Variants in KHDRBS1 observed in about 807,000 individuals in gnomAD.
The protein encoded by KHDRBS1 is KH RNA binding domain containing, signal transduction associated 1, also known as KH domain-containing, RNA-binding, signal transduction-associated protein 1.
Under a neutral mutation model 48.4 loss-of-function variants are expected in KHDRBS1, and 7 were observed. The observed-to-expected ratio is 0.14, with a 90% CI of 0.08 to 0.27. The LOEUF is 0.27. Ranked by LOEUF, KHDRBS1 falls within the 10% of genes least tolerant of loss-of-function variation. The pLI is 1.00. For synonymous variants in KHDRBS1, 241 were observed against 235.8 expected (o/e 1.02, Z -0.20); for missense variants, 458 against 601.2 (o/e 0.76, Z 2.49).
At chr1:32,041,303 T>C (rs1639279265) in intron 8 of KHDRBS1, among the ~76,000 whole-genome samples, 1 of 152,226 alleles carries the variant, frequency 6.6e-6, no homozygotes, top group African/African-American at 2.4e-5. Flanking sequence ...TGTGTGACTT[T>C]AGATCTGTAT....
chr1:32,034,437 G>A (rs1221973077), intron 4 of KHDRBS1, among the ~76,000 whole-genome samples: 1 of 152,160 alleles, frequency 6.6e-6, no homozygotes, highest in Admixed American at 6.5e-5. Flanking sequence ...GCACATGCCT[G>A]TAATCCCAGC....
In KHDRBS1 at chr1:32,014,130, G is replaced by T; in HGVS notation, c.135G>T (p.Arg45=). The T allele has an allele frequency of 1.5e-6, 2 of 1,338,272 alleles. No individual in the cohort carries two copies. The highest frequency in any genetic ancestry group is 1.9e-6 in the Non-Finnish European group (2 of 1,046,852). 82.9% of individuals were successfully genotyped at this position (1,338,272 alleles called of 1,614,324 possible). A position where few individuals can be genotyped will look rare whatever the true frequency, so the allele number is the denominator to read the frequency against. The change falls in exon 1 of 9, where the codon CGG becomes CGT. Residue 45 remains arginine, a synonymous_variant. Coordinates refer to ENST00000327300, the MANE Select transcript of KHDRBS1 (RefSeq NM_006559.3). ...SRQPPLPHRS[R]GGGGGSRGGA... ...AGCCGCCGCTGCCTCACCGGTCCCG[G>T]GGAGGCGGAGGGGGATCCCGCGGGG...
At chr1:32,046,206 T>G (rs1179336339), downstream of KHDRBS1, among the ~76,000 whole-genome samples, 4 of 151,772 alleles carry the variant, frequency 2.6e-5, no homozygotes, top group African/African-American at 9.7e-5. Flanking sequence ...TTTGGTTTTT[T>G]TGGTTTTCTT....
chr1:32,038,979 G>A (rs1439939023), intron 7 of KHDRBS1, among the ~76,000 whole-genome samples: 1 of 152,088 alleles, frequency 6.6e-6, no homozygotes, highest in African/African-American at 2.4e-5. Flanking sequence ...GTGACTACAT[G>A]GAAACAAGGA....
At chr1:32,051,318 T>C (rs1457230174) in intron 10 of KHDRBS1, among the ~76,000 whole-genome samples, 2 of 152,256 alleles carry the variant, frequency 1.3e-5, no homozygotes, top group African/African-American at 2.4e-5. Flanking sequence ...CACAGATGTA[T>C]GTAGGTGTAC....
At chr1:32,044,007 GATT>G (rs1639327736), downstream of KHDRBS1, 1 of 152,210 alleles carries the variant, frequency 6.6e-6, no homozygotes, top group Admixed American at 6.6e-5. Flanking sequence ...TGGTGGGGGG[GATT>G]TTATTTTAAG....
intron 1 of KHDRBS1, among the ~76,000 whole-genome samples, chr1:32,023,457 G>T (rs556570444): frequency 9.9e-5 from 15 of 152,258 alleles, no homozygotes; most frequent in Non-Finnish European, 1.9e-4. Flanking sequence ...AATTCCTGAC[G>T]CATAGAAGGC....
Position 32,030,289 on chromosome 1 carries a change from C to A in KHDRBS1, c.383-9C>A, listed in dbSNP as rs371628986. ...ACCAGGGCAAAAATAAATTGTTTTT[C>A]CTATTCAGAAATTGAGAAGATTCAG... On this transcript the variant is annotated splice_polypyrimidine_tract_variant and intron_variant, in intron 1 of 8. Transcript: ENST00000327300. The A allele has an allele frequency of 6.3e-7, 1 of 1,597,910 alleles. No homozygotes were observed. Among genetic ancestry groups the A allele is most frequent in the South Asian group, 1.1e-5 (1 of 87,934 alleles).
At chr1:32,027,929 A>G (rs1639006913) in intron 1 of KHDRBS1, among the ~76,000 whole-genome samples, 2 of 152,160 alleles carry the variant, frequency 1.3e-5, no homozygotes, top group Non-Finnish European at 2.9e-5. Flanking sequence ...CCCAGCCAAC[A>G]TGGTGAAACC....
At chr1:32,028,464 A>ATATATATATACACGTATATATATATAC (rs1557892894) in intron 1 of KHDRBS1, among the ~76,000 whole-genome samples, 5 of 147,306 alleles carry the variant, frequency 3.4e-5, no homozygotes, top group Non-Finnish European at 6.0e-5. Context: ...TTTAGGGAGT[A>ATATATATATACACGTATATATATATAC]TATATATATA....
chr1:32,019,992 A>T (rs1014245596), intron 1 of KHDRBS1, among the ~76,000 whole-genome samples: 1 of 151,932 alleles, frequency 6.6e-6, no homozygotes, highest in Admixed American at 6.6e-5. Context: ...GGCTGGTCTC[A>T]AATTCCTGAC....
chr1:32,046,562 G>A (rs923939981), downstream of KHDRBS1, among the ~76,000 whole-genome samples: 9 of 152,168 alleles, frequency 5.9e-5, no homozygotes, highest in Non-Finnish European at 1.3e-4. Context: ...AGGGATAATT[G>A]TGGTATAGAA....
At chr1:32,023,461 A>G (rs1638900905) in intron 1 of KHDRBS1, among the ~76,000 whole-genome samples, 2 of 152,228 alleles carry the variant, frequency 1.3e-5, no homozygotes, top group African/African-American at 4.8e-5. Context: ...CCTGACGCAT[A>G]GAAGGCATTG....
chr1:32,030,485 A>G, intron 2 of KHDRBS1, 63 bp downstream of exon 2: 1 of 1,434,014 alleles, frequency 7.0e-7, no homozygotes, highest in Non-Finnish European at 9.4e-7. Context: ...GTCATGGGCT[A>G]TAATAAAGAC....
At chr1:32,047,486 T>C (rs991744676), downstream of KHDRBS1, among the ~76,000 whole-genome samples, 1 of 152,230 alleles carries the variant, frequency 6.6e-6, no homozygotes. Flanking sequence ...TACAATTCTG[T>C]AAGCTTTAGA....
intron 3 of KHDRBS1, among the ~76,000 whole-genome samples, chr1:32,031,983 A>G (rs1015919749): frequency 6.6e-6 from 1 of 152,248 alleles, no homozygotes; most frequent in Non-Finnish European, 1.5e-5. Context: ...AAAAGACGCT[A>G]AAATGCAAAT....
downstream of KHDRBS1, among the ~76,000 whole-genome samples, chr1:32,044,476 A>G (rs991090192): frequency 6.6e-6 from 1 of 152,220 alleles, no homozygotes; most frequent in African/African-American, 2.4e-5. Context: ...GGTTGGTCCC[A>G]TTTCAACTCT....
At chr1:32,028,603 T>A (rs1182685577) in intron 1 of KHDRBS1, among the ~76,000 whole-genome samples, 1 of 149,458 alleles carries the variant, frequency 6.7e-6, no homozygotes, top group East Asian at 2.0e-4. Context: ...CCTGGGTTCA[T>A]GCCATTCTCC....
At chr1:32,038,657 G>A (rs1639229962) in intron 7 of KHDRBS1, 38 bp downstream of exon 7, 2 of 1,586,418 alleles carry the variant, frequency 1.3e-6, no homozygotes, top group African/African-American at 2.7e-5. Context: ...TTTGTCCTGA[G>A]GATGGATGGA....
Sources: allele counts gnomAD v4.1 joint callset (sites outside exome capture counted in the v4.1 genomes callset), GRCh38; gene constraint gnomAD v4.1.1; transcripts MANE v1.5; gene names NCBI Gene and HGNC (gene_info 2026-07-23, HGNC 2026-07-21).